The following GRIA1 variants were observed in gnomAD, a reference collection of about 807,000 sequenced individuals.
The protein encoded by GRIA1 is glutamate receptor 1.
In GRIA1, 31 loss-of-function variants were observed where a neutral mutation model predicts 99.2. The observed-to-expected ratio is 0.31, with a 90% CI of 0.23 to 0.42. The LOEUF is 0.42. Ranked by LOEUF, GRIA1 falls within the 10% of genes least tolerant of loss-of-function variation. The pLI is 1.00. For missense variants in GRIA1, 782 were observed against 1,157.5 expected, an observed-to-expected ratio of 0.68 and a Z score of 4.71; for synonymous variants, 438 against 432.4, an observed-to-expected ratio of 1.01 and a Z score of -0.16.
At chr5:153,773,076 A>G (rs1282951121) in intron 13 of GRIA1, among the ~76,000 whole-genome samples, 1 of 152,214 alleles carries the variant, frequency 6.6e-6, no homozygotes, top group Non-Finnish European at 1.5e-5. Context: ...TTGGCACTCA[A>G]ATGACTTTCC....
chr5:153,573,547 G>T (rs1284667885), intron 2 of GRIA1, among the ~76,000 whole-genome samples: 1 of 152,064 alleles, frequency 6.6e-6, no homozygotes, highest in Non-Finnish European at 1.5e-5. Context: ...GTGTCCAGGG[G>T]TGAGGGATCT....
intron 2 of GRIA1, among the ~76,000 whole-genome samples, chr5:153,499,565 A>G (rs1436304943): frequency 2.7e-5 from 4 of 148,784 alleles, no homozygotes; most frequent in Admixed American, 6.7e-5. Context: ...CATTGAGCCA[A>G]GATCACGCCA....
At chr5:153,548,398 T>G (rs1410187835) in intron 2 of GRIA1, among the ~76,000 whole-genome samples, 1 of 152,162 alleles carries the variant, frequency 6.6e-6, no homozygotes, top group Non-Finnish European at 1.5e-5. Flanking sequence ...TCATTTGGGG[T>G]CTGCAAGGCG....
At chr5:153,726,556 G>A (rs1258198930) in intron 11 of GRIA1, among the ~76,000 whole-genome samples, 1 of 151,912 alleles carries the variant, frequency 6.6e-6, no homozygotes, top group African/African-American at 2.4e-5. Context: ...TAATAAAGGG[G>A]ATATCACCAC....
At chr5:153,749,984 C>G (rs1762406334) in intron 11 of GRIA1, among the ~76,000 whole-genome samples, 1 of 152,154 alleles carries the variant, frequency 6.6e-6, no homozygotes, top group Non-Finnish European at 1.5e-5. Flanking sequence ...GACTCACCCC[C>G]AGAGTCCAGG....
chr5:153,789,871 T>A (rs1449428234), intron 13 of GRIA1, among the ~76,000 whole-genome samples: 1 of 146,058 alleles, frequency 6.8e-6, no homozygotes, highest in Non-Finnish European at 1.5e-5. Context: ...TCGATGGTAA[T>A]CATAATAATA....
intron 2 of GRIA1, among the ~76,000 whole-genome samples, chr5:153,539,488 T>C (rs1273417206): frequency 6.6e-6 from 1 of 152,238 alleles, no homozygotes; most frequent in African/African-American, 2.4e-5. Context: ...CATTCTCACA[T>C]TGGGAAATTC....
chr5:153,748,241 C>T (rs896682166), intron 11 of GRIA1, among the ~76,000 whole-genome samples: 5 of 152,042 alleles, frequency 3.3e-5, no homozygotes, highest in Admixed American at 2.0e-4. Context: ...TAGAGTGGTG[C>T]ATATGAAGAG....
intron 2 of GRIA1, among the ~76,000 whole-genome samples, chr5:153,502,609 C>T (rs571085467): frequency 6.6e-6 from 1 of 152,238 alleles, no homozygotes; most frequent in Non-Finnish European, 1.5e-5. Context: ...GATGTATGAG[C>T]CTTGTATGCA....
intron 5 of GRIA1, 34 bp downstream of exon 5, chr5:153,655,906 C>A: frequency 1.2e-6 from 2 of 1,601,556 alleles, no homozygotes; most frequent in Non-Finnish European, 1.7e-6. Flanking sequence ...CAGCTCAAGT[C>A]CTTTCCAGGT....
At chr5:153,501,018 G>A (rs1754963533) in intron 2 of GRIA1, among the ~76,000 whole-genome samples, 1 of 152,182 alleles carries the variant, frequency 6.6e-6, no homozygotes, top group African/African-American at 2.4e-5. Flanking sequence ...AAACACCAGA[G>A]ATATATGATT....
chr5:153,643,126 T>A (rs1753892441), intron 2 of GRIA1, among the ~76,000 whole-genome samples: 1 of 152,192 alleles, frequency 6.6e-6, no homozygotes, highest in South Asian at 2.1e-4. Flanking sequence ...ACCTGCTTAC[T>A]GGATTTGAAA....
chr5:153,692,510 C>A (rs1424130963), intron 8 of GRIA1, among the ~76,000 whole-genome samples: 1 of 152,096 alleles, frequency 6.6e-6, no homozygotes, highest in African/African-American at 2.4e-5. Flanking sequence ...TGGAACATAG[C>A]TATGCTCATT....
intron 2 of GRIA1, among the ~76,000 whole-genome samples, chr5:153,495,901 G>A (rs191392783): frequency 6.6e-6 from 1 of 152,336 alleles, no homozygotes; most frequent in Admixed American, 6.5e-5. Context: ...GCATATACAT[G>A]TGCTAATTTA....
chr5:153,643,139 G>C (rs1339620792), intron 2 of GRIA1, among the ~76,000 whole-genome samples: 1 of 152,132 alleles, frequency 6.6e-6, no homozygotes, highest in Non-Finnish European at 1.5e-5. Flanking sequence ...ATTTGAAAAA[G>C]TGCACTGGGG....
intron 2 of GRIA1, among the ~76,000 whole-genome samples, chr5:153,529,482 A>C (rs147770760): frequency 6.6e-6 from 1 of 152,328 alleles, no homozygotes; most frequent in East Asian, 1.9e-4. Context: ...AGGTGAGTTG[A>C]AACTTAAAAC....
At chr5:153,540,340 A>T (rs1445679125) in intron 2 of GRIA1, among the ~76,000 whole-genome samples, 1 of 152,194 alleles carries the variant, frequency 6.6e-6, no homozygotes, top group Non-Finnish European at 1.5e-5. Context: ...TCTGGCTTGG[A>T]TTAACTCTTC....
At chr5:153,686,562 C>A (rs1204288897) in intron 8 of GRIA1, among the ~76,000 whole-genome samples, 1 of 152,202 alleles carries the variant, frequency 6.6e-6, no homozygotes, top group Non-Finnish European at 1.5e-5. Flanking sequence ...AAAATCTCTA[C>A]ATTTGTCCCA....
In GRIA1 at chr5:153,552,730, G is replaced by C. The variant is rs145961060; in HGVS notation, c.220+58665G>C. The stretch of plus-strand genomic sequence containing the variant: ...GGAGATTTGTTAAAATGCAGATTCT[G>C]TGGGGGCAGGGTCTAAGGTTTAGCA... On this transcript the variant is annotated intron_variant, in intron 2 of 15. Transcript: ENST00000285900. 5.9e-3 allele frequency among the ~76,000 whole-genome samples: 895 copies of C among 152,232 alleles called. 13 individuals carry two copies. The highest frequency in any genetic ancestry group is 0.02 in the African/African-American group (832 of 41,540).
Sources: gnomAD v4.1 joint callset for allele counts (sites outside exome capture counted in the v4.1 genomes callset) on GRCh38, gnomAD v4.1.1 for gene constraint, MANE v1.5 for transcripts, NCBI Gene and HGNC (gene_info 2026-07-23, HGNC 2026-07-21) for gene names.